Variants in DICER1 observed in about 807,000 individuals in gnomAD.
DICER1 encodes endoribonuclease Dicer.
In DICER1, 43 loss-of-function variants were observed where a neutral mutation model predicts 194.1. That is an observed-to-expected ratio of 0.22 (90% confidence interval 0.17 to 0.29). DICER1 has a LOEUF of 0.29. DICER1 is among the 10% of genes least tolerant of loss of function. The probability of loss-of-function intolerance (pLI) is 1.00; values close to 1 mark genes in which losing one functional copy is unlikely to be tolerated. For synonymous variants in DICER1, 832 were observed against 820.5 expected (o/e 1.01, Z -0.24); for missense variants, 1,608 against 2,317.0 (o/e 0.69, Z 6.28).
In DICER1 at chr14:95,088,089, T is replaced by A. The variant is rs541765733; in HGVS notation, c.*2409A>T. 13 of 232,882 alleles carry A rather than the reference T, an allele frequency of 5.6e-5. No homozygotes were observed. The South Asian group carries it at 2.4e-3, about 42-fold the overall frequency. The allele number at this position is 232,882 out of a possible 1,614,324, so 14.4% of individuals were successfully genotyped here. A position where few individuals can be genotyped will look rare whatever the true frequency, so the allele number is the denominator to read the frequency against. On this transcript the variant is annotated 3_prime_UTR_variant, in exon 27 of 27. Transcript: ENST00000343455. ...AGTAACCAGGGGATCACAGAATGCT[T>A]CAAACTGTGAGTCAAATTAAAATCT...
chr14:95,115,523 A>C (rs1892357390), intron 11 of DICER1, 144 bp downstream of exon 11: 4 of 912,536 alleles, frequency 4.4e-6, no homozygotes, highest in Non-Finnish European at 7.0e-6. Context: ...AAATGAAAAA[A>C]GAAGTAACTT....
chr14:95,122,915 C>CGCGTGTGCGCGT (rs917298080), intron 8 of DICER1, among the ~76,000 whole-genome samples: 4 of 151,096 alleles, frequency 2.6e-5, no homozygotes, highest in Admixed American at 6.6e-5. Context: ...AGCAGTTAAG[C>CGCGTGTGCGCGT]GCGTGTGCGC....
intron 1 of DICER1, among the ~76,000 whole-genome samples, chr14:95,146,222 T>G (rs1895124878): frequency 6.6e-6 from 1 of 152,204 alleles, no homozygotes; most frequent in Admixed American, 6.5e-5. Context: ...TCAAGAGAAC[T>G]ACAAGTCCCA....
rs575149176 is a variant in DICER1, at chr14:95,147,907, G to A, written c.-46+9323C>T. Among the ~76,000 whole-genome samples, 13 of 152,332 alleles carry A rather than the reference G, an allele frequency of 8.5e-5. No homozygotes were observed. The East Asian group carries it at 2.5e-3, about 29-fold the overall frequency. On this transcript the variant is annotated intron_variant, in intron 1 of 26. Transcript: ENST00000343455. Reference sequence around the variant, plus strand: ...CTTATGTTTACCAGTTTATTATAAAGGATATTACAGGCTGGGTGCAGTGGC... The same window carrying A: ...CTTATGTTTACCAGTTTATTATAAAAGATATTACAGGCTGGGTGCAGTGGC...
chr14:95,126,230 C>A (rs1893447179), intron 7 of DICER1, among the ~76,000 whole-genome samples: 2 of 152,162 alleles, frequency 1.3e-5, no homozygotes, highest in Non-Finnish European at 2.9e-5. Flanking sequence ...TCCAGTTACA[C>A]ACACTAGGAA....
At chr14:95,152,434 TACTC>T (rs1431673640) in intron 1 of DICER1, among the ~76,000 whole-genome samples, 7 of 152,380 alleles carry the variant, frequency 4.6e-5, no homozygotes, top group Non-Finnish European at 8.8e-5. Flanking sequence ...TAAATTAACT[TACTC>T]ACTCAACAAA....
At chr14:95,134,102 C>T (rs1008758109) in intron 1 of DICER1, among the ~76,000 whole-genome samples, 5 of 152,180 alleles carry the variant, frequency 3.3e-5, no homozygotes, top group African/African-American at 1.2e-4. Context: ...GATTTAGACA[C>T]CTGCTAAAAT....
intron 14 of DICER1, 153 bp downstream of exon 14, chr14:95,111,164 G>T: frequency 1.2e-6 from 1 of 817,580 alleles, no homozygotes; most frequent in African/African-American, 1.7e-5. Flanking sequence ...GCTGATCTGA[G>T]AGAAGCTGTG....
chr14:95,112,979 A>G (rs1892107969), intron 12 of DICER1, 113 bp downstream of exon 12: 4 of 1,171,088 alleles, frequency 3.4e-6, no homozygotes, highest in Non-Finnish European at 5.1e-6. Context: ...CCTGCTCATG[A>G]AAGTAGATTT....
intron 14 of DICER1, among the ~76,000 whole-genome samples, chr14:95,110,550 G>T (rs1305208420): frequency 1.3e-5 from 2 of 152,100 alleles, no homozygotes; most frequent in African/African-American, 4.8e-5. Context: ...ACGTTCTAAT[G>T]AAACAACGTT....
Position 95,105,811 on chromosome 14 carries a change from A to G in DICER1, c.2988-28T>C, listed in dbSNP as rs1891367625. The G allele has an allele frequency of 3.8e-6, 6 of 1,584,128 alleles. No individual in the cohort carries two copies. In the African/African-American group the frequency reaches 4.0e-5, roughly 11 times the overall value. On this transcript the variant is annotated intron_variant, in intron 18 of 26. Coordinates refer to ENST00000343455, the MANE Select transcript of DICER1 (RefSeq NM_177438.3). This position sits in a 1 kb window ranked among gnomAD's most constrained non-coding sequence, Gnocchi z 4.9. ...GTAAGAATTCCAAAACAATTTTATC[A>G]AACACACAAAAATGAGTACATATTC...
chr14:95,126,822 CAAA>C (rs75156371), intron 6 of DICER1, 74 bp from the exon 7 acceptor site: 3,149 of 344,500 alleles, frequency 9.1e-3, no homozygotes, highest in South Asian at 0.015. Flanking sequence ...TTTCAAAAAG[CAAA>C]AAAAAAAAAA....
At chr14:95,117,536 A>AC (rs1418421980) in intron 9 of DICER1, 86 bp downstream of exon 9, 2 of 1,365,076 alleles carry the variant, frequency 1.5e-6, no homozygotes, top group Non-Finnish European at 2.1e-6. Flanking sequence ...ATTCTGGGAA[A>AC]CTATGAAAAA....
rs571742299 is a variant in DICER1 at position 95,098,774 on chromosome 14, C to T, written c.4206+1006G>A. 2.0e-5 allele frequency among the ~76,000 whole-genome samples: 3 copies of T among 152,302 alleles called. 1 individual carries two copies. Among genetic ancestry groups the T allele is most frequent in the South Asian group, 2.1e-4 (1 of 4,826 alleles). ...CAAATAATTGTTCGGACCTAACTTG[C>T]ATTAAAATATTCCCTTAATGCTTTT... On this transcript the variant is annotated intron_variant, in intron 22 of 26. Transcript: ENST00000343455.
intron 1 of DICER1, among the ~76,000 whole-genome samples, chr14:95,147,708 T>A (rs1895230042): frequency 6.6e-6 from 1 of 152,130 alleles, no homozygotes. Flanking sequence ...TAGCATCAGA[T>A]CCCACAGGTT....
Position 95,096,082 on chromosome 14 carries a change from T to C in DICER1, c.4838A>G (p.Gln1613Arg), listed in dbSNP as rs775024028. 1 of 1,614,236 alleles carries C rather than the reference T, an allele frequency of 6.2e-7. No homozygotes were observed. Among genetic ancestry groups the C allele is most frequent in the South Asian group, 1.1e-5 (1 of 91,088 alleles). ...ACAGCTCACTGAAAGGTTCTTTTGT[T>C]GGCTGTTGAAATTCTCCCGAGTAGG... ...LCPTRENFNS[Q>R]QKNLSVSCAA... Residue 1613 changes from glutamine (Q) to arginine (R), a missense_variant, in exon 23 of 27, where the codon CAA becomes CGA. Physicochemically the swap from Gln to Arg is conservative, Grantham distance 43 (BLOSUM62 1). Coordinates refer to ENST00000343455, the MANE Select transcript of DICER1 (RefSeq NM_177438.3).
rs1315942457 is a variant in DICER1 at position 95,113,181 on chromosome 14, G to A, written c.1951C>T (p.Pro651Ser). 2 of 1,613,632 alleles carry A rather than the reference G, an allele frequency of 1.2e-6. No homozygotes were observed. The highest frequency in any genetic ancestry group is 8.5e-7 in the Non-Finnish European group (1 of 1,179,552). ...GGCAACTCTCGGGTTCTGCATTTAG[G>A]AGCTAGATGAGTAAACGGATCACTT... The part of the protein sequence containing the change: ...LPSDPFTHLA[P>S]KCRTRELPDG... The change falls in exon 12 of 27, where the codon CCT becomes TCT. Residue 651 changes from proline to serine, a missense_variant. Pro to Ser is a moderately conservative substitution (Grantham distance 74, BLOSUM62 -1). This residue lies in a region of DICER1 where 657 missense variants were observed against 910.1 expected (regional missense o/e 0.72). Coordinates refer to ENST00000343455, the MANE Select transcript of DICER1 (RefSeq NM_177438.3).
chr14:95,120,142 GC>G (rs1481718688), intron 8 of DICER1, among the ~76,000 whole-genome samples: 1 of 152,178 alleles, frequency 6.6e-6, no homozygotes, highest in Non-Finnish European at 1.5e-5. Flanking sequence ...TGAAATTCCT[GC>G]CAGGTTATTG....
chr14:95,129,575 T>C lies in DICER1; in HGVS notation c.631A>G (p.Asn211Asp), dbSNP rs1392979238. The change falls in exon 6 of 27, where the codon AAT becomes GAT. Residue 211 changes from asparagine (N) to aspartate (D), a missense_variant. By Grantham distance (23) the Asn-to-Asp change is conservative (BLOSUM62 1). This residue lies in a region of DICER1 where 657 missense variants were observed against 910.1 expected (regional missense o/e 0.72). Transcript: ENST00000343455. ...AATTCCTCTGGATCACATTTCCCAT[T>C]TAAAATGGAAGCAGTTAGTCCCAAA... is the stretch of plus-strand genomic sequence containing the variant. ...RILGLTASIL[N>D]GKCDPEELEE... is the part of the protein sequence containing the mutation. The C allele has an allele frequency of 6.2e-7, 1 of 1,613,584 alleles. No homozygotes were observed. Among genetic ancestry groups the C allele is most frequent in the Non-Finnish European group, 8.5e-7 (1 of 1,179,908 alleles).
Sources: allele counts gnomAD v4.1 joint callset (sites outside exome capture counted in the v4.1 genomes callset), GRCh38; gene constraint gnomAD v4.1.1; regional missense constraint gnomAD v4.1.1; non-coding constraint Gnocchi (gnomAD v3.1); transcripts MANE v1.5; gene names NCBI Gene and HGNC (gene_info 2026-07-23, HGNC 2026-07-21).